The following PABPC4L variants were observed in gnomAD, a reference collection of about 807,000 sequenced individuals.
The protein encoded by PABPC4L is poly(A) binding protein cytoplasmic 4 like.
For synonymous variants in PABPC4L, 169 were observed against 164.1 expected (o/e 1.03, Z -0.23); for missense variants, 452 against 451.4 (o/e 1.00, Z -0.01).
chr4:134,100,449 T>TA, the PABPC4L span, among the ~76,000 whole-genome samples: 5 of 151,702 alleles, frequency 3.3e-5, no homozygotes, highest in South Asian at 2.1e-4. Context: ...TCCCTTGTAT[T>TA]AAAAAAATAC....
chr4:134,099,023 T>A, the PABPC4L span, among the ~76,000 whole-genome samples: 6 of 151,632 alleles, frequency 4.0e-5, no homozygotes, highest in Admixed American at 2.6e-4. Context: ...AGAAAGGGAA[T>A]GTTGAAGCCA....
At chr4:133,985,661 T>C in the PABPC4L span, among the ~76,000 whole-genome samples, 2 of 151,998 alleles carry the variant, frequency 1.3e-5, no homozygotes, top group African/African-American at 4.8e-5. Context: ...TTTTAATAGA[T>C]AAAACAAAAA....
the PABPC4L span, among the ~76,000 whole-genome samples, chr4:133,992,512 A>C: frequency 6.6e-6 from 1 of 152,128 alleles, no homozygotes; most frequent in Non-Finnish European, 1.5e-5. Flanking sequence ...ATGTAGTTTT[A>C]CCTGGCACCT....
the PABPC4L span, among the ~76,000 whole-genome samples, chr4:134,121,498 A>G: frequency 6.6e-6 from 1 of 151,602 alleles, no homozygotes; most frequent in Non-Finnish European, 1.5e-5. Context: ...GATGGTTCGG[A>G]GCTAAATTTA....
At chr4:134,050,167 A>C in the PABPC4L span, among the ~76,000 whole-genome samples, 1 of 152,162 alleles carries the variant, frequency 6.6e-6, no homozygotes, top group Non-Finnish European at 1.5e-5. Context: ...AATTTTTTTC[A>C]ACATCATGGG....
the PABPC4L span, among the ~76,000 whole-genome samples, chr4:134,118,167 A>T: frequency 2.6e-4 from 40 of 151,836 alleles, no homozygotes; most frequent in Non-Finnish European, 5.9e-5. Flanking sequence ...TACCTTTGCC[A>T]GTACCCATGA....
chr4:134,136,968 T>G, the PABPC4L span, among the ~76,000 whole-genome samples: 1 of 151,712 alleles, frequency 6.6e-6, no homozygotes, highest in Admixed American at 6.6e-5. Context: ...TTCTTAGTTG[T>G]GTTGATAACG....
the PABPC4L span, among the ~76,000 whole-genome samples, chr4:134,138,937 G>A: frequency 2.0e-5 from 3 of 151,712 alleles, no homozygotes; most frequent in Non-Finnish European, 4.4e-5. Flanking sequence ...ACTAATATCA[G>A]CTAGTGAAAG....
the PABPC4L span, among the ~76,000 whole-genome samples, chr4:134,155,749 A>G: frequency 1.3e-5 from 2 of 151,968 alleles, no homozygotes; most frequent in African/African-American, 4.8e-5. Context: ...CCAAAAAACC[A>G]CAGCATTTAA....
the PABPC4L span, among the ~76,000 whole-genome samples, chr4:133,990,967 C>T: frequency 1.3e-5 from 2 of 152,112 alleles, no homozygotes. Flanking sequence ...TTTCCCACCA[C>T]CCTGACCAAT....
At chr4:134,048,552 C>A in the PABPC4L span, among the ~76,000 whole-genome samples, 3 of 152,074 alleles carry the variant, frequency 2.0e-5, no homozygotes, top group African/African-American at 7.2e-5. Context: ...ATCACATTTA[C>A]TTAATAGCTT....
chr4:134,137,486 C>CAAATACCG, the PABPC4L span, among the ~76,000 whole-genome samples: 2 of 151,822 alleles, frequency 1.3e-5, no homozygotes, highest in African/African-American at 4.8e-5. Context: ...CACTGGATTT[C>CAAATACCG]AGGAAGGTCA....
the PABPC4L span, among the ~76,000 whole-genome samples, chr4:134,095,309 A>C: frequency 1.3e-5 from 2 of 152,004 alleles, no homozygotes; most frequent in African/African-American, 4.8e-5. Flanking sequence ...AGTATTATAA[A>C]ATGAAATATT....
the PABPC4L span, among the ~76,000 whole-genome samples, chr4:134,082,108 A>G: frequency 3.3e-5 from 5 of 152,212 alleles, no homozygotes; most frequent in East Asian, 7.7e-4. Flanking sequence ...GCAAATAAGC[A>G]TAAGACAAAG....
chr4:133,985,733 G>T, the PABPC4L span, among the ~76,000 whole-genome samples: 2 of 151,822 alleles, frequency 1.3e-5, no homozygotes, highest in Non-Finnish European at 2.9e-5. Flanking sequence ...TTTTTGTTTT[G>T]TCATCTCTAT....
chr4:134,106,067 A>G, the PABPC4L span, among the ~76,000 whole-genome samples: 2 of 151,646 alleles, frequency 1.3e-5, no homozygotes, highest in Admixed American at 1.3e-4. Flanking sequence ...TAGCTAACTC[A>G]TTGCCCCTGT....
the PABPC4L span, among the ~76,000 whole-genome samples, chr4:134,030,251 T>C: frequency 6.6e-6 from 1 of 152,024 alleles, no homozygotes; most frequent in Non-Finnish European, 1.5e-5. Flanking sequence ...AGGCAGAGGC[T>C]GGAACAGTTA....
chr4:133,961,256 C>A, the PABPC4L span, among the ~76,000 whole-genome samples: 1 of 152,186 alleles, frequency 6.6e-6, no homozygotes, highest in African/African-American at 2.4e-5. Context: ...AGCCAACTCC[C>A]AGTACCAGCC....
At chr4:134,082,793 TA>T in the PABPC4L span, among the ~76,000 whole-genome samples, 1 of 152,024 alleles carries the variant, frequency 6.6e-6, no homozygotes, top group Non-Finnish European at 1.5e-5. Context: ...CATTATTTGA[TA>T]AGATCCTACT....
Sources: gnomAD v4.1 joint callset for allele counts (sites outside exome capture counted in the v4.1 genomes callset) on GRCh38, gnomAD v4.1.1 for gene constraint, MANE v1.5 for transcripts, NCBI Gene and HGNC (gene_info 2026-07-23, HGNC 2026-07-21) for gene names.